The following RBM19 variants were observed in gnomAD, a reference collection of about 807,000 sequenced individuals.
RBM19 encodes RNA binding motif protein 19, also known as probable RNA-binding protein 19.
In RBM19, 94 loss-of-function variants were observed where a neutral mutation model predicts 116.8. The observed-to-expected ratio is 0.80, with a 90% CI of 0.68 to 0.95. The LOEUF is 0.95. Ranked by LOEUF, RBM19 falls within the 40% of genes least tolerant of loss-of-function variation. RBM19 has a pLI of 0.00. For synonymous variants in RBM19, 475 were observed against 494.1 expected, an observed-to-expected ratio of 0.96 and a Z score of 0.51; for missense variants, 1,161 against 1,220.7, an observed-to-expected ratio of 0.95 and a Z score of 0.73.
chr12:113,907,317 G>A (rs541108263), intron 21 of RBM19, among the ~76,000 whole-genome samples: 112 of 152,272 alleles, frequency 7.4e-4, no homozygotes, highest in African/African-American at 2.6e-3. Context: ...AGCCACGAGG[G>A]CAGGAACTTT....
intron 21 of RBM19, among the ~76,000 whole-genome samples, chr12:113,866,329 G>C (rs1470342745): frequency 1.3e-5 from 2 of 152,202 alleles, no homozygotes; most frequent in African/African-American, 4.8e-5. Context: ...GAGGTGTGGA[G>C]GAGGGCCTTT....
At position 113,903,882 on chromosome 12, in the gene RBM19, T is replaced by C. The variant is rs1003518566; in HGVS notation, c.2558+11087A>G. On this transcript the variant is annotated intron_variant, in intron 21 of 23. Coordinates refer to ENST00000261741, the MANE Select transcript of RBM19 (RefSeq NM_016196.4). This position sits in a 1 kb window ranked among gnomAD's most constrained non-coding sequence, Gnocchi z 5.1. ...CTCACTTTACCCGTTAAAAGACAGA[T>C]TTAAGATGTGGTCATGCCATAGAGG... Among the ~76,000 whole-genome samples, 5 of 152,154 alleles carry C rather than the reference T, an allele frequency of 3.3e-5. No individual in the cohort carries two copies. The highest frequency in any genetic ancestry group is 1.2e-4 in the African/African-American group (5 of 41,436).
chr12:113,899,520 T>C (rs1593552341), intron 21 of RBM19, among the ~76,000 whole-genome samples: 1 of 152,208 alleles, frequency 6.6e-6, no homozygotes, highest in South Asian at 2.1e-4. Context: ...AATCCGGGCT[T>C]CTACCCTGAG....
At chr12:113,918,509 C>T (rs1882921268) in intron 19 of RBM19, 62 bp from the exon 20 acceptor site, 10 of 1,570,252 alleles carry the variant, frequency 6.4e-6, no homozygotes, top group Non-Finnish European at 5.3e-6. Context: ...CGAATCCTTG[C>T]CCTTCACCAG....
chr12:113,886,672 G>A (rs1187102507), intron 21 of RBM19, among the ~76,000 whole-genome samples: 1 of 150,320 alleles, frequency 6.7e-6, no homozygotes, highest in African/African-American at 2.5e-5. Context: ...GTTTTGTTTT[G>A]TTTTTGCTTT....
At chr12:113,947,833 A>G (rs1462509922) in intron 10 of RBM19, among the ~76,000 whole-genome samples, 1 of 151,922 alleles carries the variant, frequency 6.6e-6, no homozygotes, top group Non-Finnish European at 1.5e-5. Flanking sequence ...TCATGCTCAA[A>G]TTAAAGCACA....
chr12:113,859,690 C>T (rs1043645261), intron 21 of RBM19, among the ~76,000 whole-genome samples: 15 of 152,206 alleles, frequency 9.9e-5, no homozygotes, highest in African/African-American at 3.6e-4. Flanking sequence ...CCTCCCTTGC[C>T]TCCCTGTCTC....
chr12:113,875,177 C>T (rs545987091), intron 21 of RBM19, among the ~76,000 whole-genome samples: 124 of 152,242 alleles, frequency 8.1e-4, no homozygotes, highest in Non-Finnish European at 1.5e-3. Context: ...ATTCATGCCG[C>T]AGAGCCTGCC....
intron 21 of RBM19, among the ~76,000 whole-genome samples, chr12:113,912,850 C>T (rs2135849383): frequency 6.6e-6 from 1 of 152,254 alleles, no homozygotes; most frequent in East Asian, 1.9e-4. Flanking sequence ...TGGGGCTTCC[C>T]TGGACAATCT....
intron 21 of RBM19, among the ~76,000 whole-genome samples, chr12:113,912,143 G>T (rs1447327401): frequency 6.6e-6 from 1 of 152,210 alleles, no homozygotes. Context: ...CCTCCGGGAA[G>T]GGCCCCAGGC....
chr12:113,856,567 G>A (rs1565978005), intron 22 of RBM19, among the ~76,000 whole-genome samples: 1 of 152,190 alleles, frequency 6.6e-6, no homozygotes, highest in Non-Finnish European at 1.5e-5. Flanking sequence ...ATCAATGGCT[G>A]GGATCCCCTC....
chr12:113,920,300 G>T (rs2135864068), intron 19 of RBM19, among the ~76,000 whole-genome samples: 1 of 152,276 alleles, frequency 6.6e-6, no homozygotes, highest in African/African-American at 2.4e-5. Context: ...AGAGGTCCAT[G>T]GCCTGTCTAC....
At chr12:113,918,069 T>C (rs994227828) in intron 20 of RBM19, among the ~76,000 whole-genome samples, 1 of 152,148 alleles carries the variant, frequency 6.6e-6, no homozygotes. Flanking sequence ...TCTTCCTTGG[T>C]TTATTTATCC....
chr12:113,874,338 T>C (rs1459414862), intron 21 of RBM19, among the ~76,000 whole-genome samples: 1 of 152,212 alleles, frequency 6.6e-6, no homozygotes, highest in Non-Finnish European at 1.5e-5. Flanking sequence ...GCCCCTCTCA[T>C]GATCGGGCTC....
chr12:113,840,815 C>G (rs1876400655), intron 23 of RBM19, among the ~76,000 whole-genome samples: 1 of 152,208 alleles, frequency 6.6e-6, no homozygotes, highest in Non-Finnish European at 1.5e-5. Context: ...TCCCCCTGCC[C>G]TTTCAGCCCC....
intron 23 of RBM19, among the ~76,000 whole-genome samples, chr12:113,832,795 C>T (rs541433459): frequency 2.6e-5 from 4 of 152,324 alleles, no homozygotes; most frequent in African/African-American, 9.6e-5. Context: ...TGTGGCTTCA[C>T]ATCTTTGCTT....
chr12:113,926,755 C>T (rs1159987667), intron 17 of RBM19, among the ~76,000 whole-genome samples: 1 of 152,214 alleles, frequency 6.6e-6, no homozygotes, highest in East Asian at 1.9e-4. Context: ...GTATTTACAT[C>T]ATAGAAACAA....
At chr12:113,957,328 C>T (rs1044336149) in intron 6 of RBM19, among the ~76,000 whole-genome samples, 2 of 152,158 alleles carry the variant, frequency 1.3e-5, no homozygotes, top group South Asian at 2.1e-4. Context: ...ATAATCCCAG[C>T]ACTTTGGGAG....
intron 21 of RBM19, among the ~76,000 whole-genome samples, chr12:113,878,843 AG>A (rs145209097): frequency 1.3e-4 from 13 of 100,564 alleles, no homozygotes; most frequent in Middle Eastern, 4.9e-3. Context: ...AAAAAAAAAA[AG>A]GGGGGGGTGG....
Sources: gnomAD v4.1 joint callset for allele counts (sites outside exome capture counted in the v4.1 genomes callset) on GRCh38, gnomAD v4.1.1 for gene constraint, Gnocchi (gnomAD v3.1) non-coding constraint, MANE v1.5 for transcripts, NCBI Gene and HGNC (gene_info 2026-07-23, HGNC 2026-07-21) for gene names.